KIT: variants seen among roughly 807,000 people sequenced by gnomAD.
KIT encodes mast/stem cell growth factor receptor Kit.
In KIT, 16 loss-of-function variants were observed where a neutral mutation model predicts 105.7. That is an observed-to-expected ratio of 0.15 (90% CI 0.10 to 0.23). KIT has a LOEUF of 0.23. Among genes scored for constraint, KIT ranks in the 10% least tolerant of loss-of-function variants. The pLI, the probability that KIT is intolerant of heterozygous loss-of-function variation, is 1.00. For synonymous variants in KIT, 438 were observed against 441.1 expected, an observed-to-expected ratio of 0.99 and a Z score of 0.09; for missense variants, 858 against 1,213.8, an observed-to-expected ratio of 0.71 and a Z score of 4.36.
chr4:54,664,834 A>T (rs1717565942), intron 1 of KIT, among the ~76,000 whole-genome samples: 1 of 148,994 alleles, frequency 6.7e-6, no homozygotes, highest in Non-Finnish European at 1.5e-5. Flanking sequence ...GCGATCCCCC[A>T]GCCTCAGCCT....
At chr4:54,687,208 C>T (rs938566598) in intron 1 of KIT, among the ~76,000 whole-genome samples, 3 of 152,114 alleles carry the variant, frequency 2.0e-5, no homozygotes, top group Non-Finnish European at 2.9e-5. Flanking sequence ...GAGGCCGAGG[C>T]GGGTGGATTA....
At chr4:54,736,076 C>T (rs1054317362) in intron 17 of KIT, among the ~76,000 whole-genome samples, 7 of 152,180 alleles carry the variant, frequency 4.6e-5, no homozygotes, top group Non-Finnish European at 8.8e-5. Context: ...AGTCACCTAA[C>T]TACAGCTAGC....
At position 54,690,013 on chromosome 4, in the gene KIT, A is replaced by G. The variant is rs1719581464; in HGVS notation, c.68-5499A>G. ...CATTTGACCTAGCATACTGTTTGCA[A>G]GGTTCATTCATGTGTGGCATGTATA... is the stretch of plus-strand genomic sequence containing the variant. On this transcript the variant is annotated intron_variant, in intron 1 of 20. Transcript: ENST00000288135. Among the ~76,000 whole-genome samples the G allele has an allele frequency of 2.0e-5, 3 of 149,286 alleles. 1 individual carries two copies. The South Asian group carries it at 6.4e-4, about 32-fold the overall frequency.
chr4:54,721,081 T>A (rs1237617349), intron 7 of KIT, among the ~76,000 whole-genome samples: 1 of 152,226 alleles, frequency 6.6e-6, no homozygotes, highest in Non-Finnish European at 1.5e-5. Flanking sequence ...ACTGTGTGCC[T>A]GCTGTGGGTC....
intron 1 of KIT, among the ~76,000 whole-genome samples, chr4:54,676,551 G>T (rs1186033264): frequency 6.6e-6 from 1 of 152,182 alleles, no homozygotes; most frequent in African/African-American, 2.4e-5. Context: ...GGAGTACCAT[G>T]GGACAGTGCT....
At chr4:54,713,613 G>T (rs771590859) in intron 7 of KIT, among the ~76,000 whole-genome samples, 1 of 152,162 alleles carries the variant, frequency 6.6e-6, no homozygotes, top group South Asian at 2.1e-4. Context: ...ACACTAATGC[G>T]TAATTGCTTA....
intron 7 of KIT, among the ~76,000 whole-genome samples, chr4:54,715,407 A>G (rs371528041): frequency 6.7e-6 from 1 of 150,018 alleles, no homozygotes; most frequent in Admixed American, 6.6e-5. Context: ...TGGGTGATTT[A>G]TAAAGAAAAG....
At chr4:54,724,490 T>C (rs887993235) in intron 8 of KIT, among the ~76,000 whole-genome samples, 3 of 152,154 alleles carry the variant, frequency 2.0e-5, no homozygotes, top group Admixed American at 6.6e-5. Context: ...GAATACTAAG[T>C]AGGGTTCAAG....
intron 4 of KIT, among the ~76,000 whole-genome samples, chr4:54,700,380 T>G (rs1162869005): frequency 6.6e-6 from 1 of 152,240 alleles, no homozygotes; most frequent in Admixed American, 6.5e-5. Flanking sequence ...CATGCTTACG[T>G]TCCCATTCAT....
rs965321445 is a variant in KIT, at chr4:54,668,631, G to A, written c.67+10550G>A. ...GAAGTTAATGTGTCTCTTTTTATTG[G>A]AAAAGAAGTATTTCTAGAACAGGAT... On this transcript the variant is annotated intron_variant, in intron 1 of 20. Coordinates refer to ENST00000288135, the MANE Select transcript of KIT (RefSeq NM_000222.3). Among the ~76,000 whole-genome samples the A allele has an allele frequency of 3.3e-5, 5 of 152,322 alleles. No homozygotes were observed. The East Asian group carries it at 7.7e-4, about 23-fold the overall frequency.
At chr4:54,705,653 C>T (rs914477452) in intron 5 of KIT, among the ~76,000 whole-genome samples, 1 of 152,034 alleles carries the variant, frequency 6.6e-6, no homozygotes, top group Non-Finnish European at 1.5e-5. Context: ...GAGGCTGAGG[C>T]GGGCAGATCT....
rs183301873 is a variant in KIT at position 54,678,891 on chromosome 4, T to C, written c.68-16621T>C. ...TTTGCCACATGTATTTTGTTTTATA[T>C]ACATATTTTTTTCTGAACCATTTGA... On this transcript the variant is annotated intron_variant, in intron 1 of 20. Transcript: ENST00000288135. Among the ~76,000 whole-genome samples the C allele has an allele frequency of 3.2e-4, 49 of 152,316 alleles. 1 individual carries two copies. The East Asian group carries it at 8.7e-3, about 27-fold the overall frequency.
At chr4:54,697,959 G>A (rs1577956108) in intron 2 of KIT, among the ~76,000 whole-genome samples, 1 of 152,274 alleles carries the variant, frequency 6.6e-6, no homozygotes, top group Non-Finnish European at 1.5e-5. Context: ...TCCAGGTCAT[G>A]TCACTTTAGG....
chr4:54,695,879 A>G, intron 2 of KIT, 98 bp downstream of exon 2: 1 of 1,456,898 alleles, frequency 6.9e-7, no homozygotes, highest in South Asian at 1.2e-5. Context: ...TAGATAAAAT[A>G]TTTCTGGCTG....
intron 2 of KIT, among the ~76,000 whole-genome samples, chr4:54,696,589 G>A (rs974888843): frequency 1.3e-5 from 2 of 152,180 alleles, no homozygotes; most frequent in African/African-American, 4.8e-5. Flanking sequence ...AATGAATAAT[G>A]GATACTTTTA....
chr4:54,739,175 T>A lies in KIT; in HGVS notation c.*618T>A, dbSNP rs2109821715. 1 of 306,928 alleles carries A rather than the reference T, an allele frequency of 3.3e-6. No individual in the cohort carries two copies. The highest frequency in any genetic ancestry group is 4.8e-5 in the Admixed American group (1 of 20,922). The allele number at this position is 306,928 out of a possible 1,614,324, so 19.0% of individuals were successfully genotyped here. ...CTACCGACCTGGTTTTTAAATAGAG[T>A]TTGCTATTAGAGCATTGAATTGGAG... On this transcript the variant is annotated 3_prime_UTR_variant, in exon 21 of 21. Transcript: ENST00000288135.
At chr4:54,667,550 TAA>T (rs1487914416) in intron 1 of KIT, among the ~76,000 whole-genome samples, 1 of 152,150 alleles carries the variant, frequency 6.6e-6, no homozygotes, top group East Asian at 1.9e-4. Flanking sequence ...AATTAAATCT[TAA>T]AAGAGTGGGG....
At chr4:54,732,044 G>GTTT in intron 16 of KIT, 46 bp downstream of exon 16, 3 of 1,021,170 alleles carry the variant, frequency 2.9e-6, no homozygotes, top group Non-Finnish European at 4.0e-6. Context: ...TTGTTTTTTT[G>GTTT]ATTTTTTTTT....
At chr4:54,687,562 A>G (rs1163120788) in intron 1 of KIT, among the ~76,000 whole-genome samples, 1 of 152,072 alleles carries the variant, frequency 6.6e-6, no homozygotes, top group Non-Finnish European at 1.5e-5. Context: ...CATCTTCTGT[A>G]CTGTAGACAT....
Sources: gnomAD v4.1 joint callset for allele counts (sites outside exome capture counted in the v4.1 genomes callset) on GRCh38, gnomAD v4.1.1 for gene constraint, MANE v1.5 for transcripts, NCBI Gene and HGNC (gene_info 2026-07-23, HGNC 2026-07-21) for gene names.